Variants in CTSC observed in about 807,000 individuals in gnomAD.
CTSC encodes the protein dipeptidyl peptidase 1.
CTSC carries 37 observed loss-of-function variants against 40.9 expected under a neutral mutation model. That is an observed-to-expected ratio of 0.91 (90% CI 0.70 to 1.19). CTSC has a LOEUF of 1.19. Ranked by LOEUF, CTSC falls within the 50% of genes most tolerant of loss-of-function variation. The probability of loss-of-function intolerance (pLI) is 0.00; values close to 1 mark genes in which losing one functional copy is unlikely to be tolerated. For missense variants in CTSC, 594 were observed against 567.3 expected, an observed-to-expected ratio of 1.05 and a Z score of -0.48; for synonymous variants, 232 against 207.4, an observed-to-expected ratio of 1.12 and a Z score of -1.02.
rs779795168 is a variant in CTSC, at chr11:88,294,326, C to A, written c.1072G>T (p.Ala358Ser). ...TGGACCAACTCAAGCTTCATCAGGG[C>A]TTCATTGCAGCCTCCATAGAAACCT... ...VGGFYGGCNE[A>S]LMKLELVHHG... The change falls in exon 7 of 7, where the codon GCC becomes TCC. Residue 358 changes from alanine to serine, a missense_variant. Physicochemically the swap from Ala to Ser is moderately conservative, Grantham distance 99. Coordinates refer to ENST00000227266, the MANE Select transcript of CTSC (RefSeq NM_001814.6). 6.2e-7 allele frequency: 1 copy of A among 1,614,042 alleles called. No individual in the cohort carries two copies. Among genetic ancestry groups the A allele is most frequent in the African/African-American group, 1.3e-5 (1 of 74,928 alleles).
chr11:88,332,133 A>G (rs944213289), intron 2 of CTSC, among the ~76,000 whole-genome samples: 2 of 152,232 alleles, frequency 1.3e-5, no homozygotes, highest in Admixed American at 6.5e-5. Flanking sequence ...GGATAACAAC[A>G]ACGATGGCAG....
chr11:88,326,959 T>TCAA (rs1177392074), intron 2 of CTSC, among the ~76,000 whole-genome samples: 1 of 152,100 alleles, frequency 6.6e-6, no homozygotes, highest in African/African-American at 2.4e-5. Flanking sequence ...TGAGAACAGC[T>TCAA]TATTTTTCGT....
At chr11:88,326,367 G>T in intron 2 of CTSC, 1 of 1,613,948 alleles carries the variant, frequency 6.2e-7, no homozygotes, top group Non-Finnish European at 8.5e-7. Flanking sequence ...GTCGCAGGCT[G>T]CTCTGTCTCT....
chr11:88,300,935 C>G (rs1944353868), intron 4 of CTSC, among the ~76,000 whole-genome samples: 1 of 152,046 alleles, frequency 6.6e-6, no homozygotes, highest in Non-Finnish European at 1.5e-5. Context: ...GCCTGAATAG[C>G]TGCATTCTTA....
intron 4 of CTSC, among the ~76,000 whole-genome samples, chr11:88,301,785 T>C (rs1944364090): frequency 7.2e-6 from 1 of 138,792 alleles, no homozygotes; most frequent in Admixed American, 7.6e-5. Flanking sequence ...TACATACACA[T>C]GCACACACAC....
At chr11:88,326,526 TA>T (rs3837397) in intron 2 of CTSC, 58,222 of 652,944 alleles carry the variant, frequency 0.089, 1 homozygote, top group Middle Eastern at 0.12. Context: ...TTTCTTTAAG[TA>T]AAAAAAAAAA....
chr11:88,328,076 T>C (rs756794068), intron 2 of CTSC: 15 of 1,435,518 alleles, frequency 1.0e-5, no homozygotes, highest in Admixed American at 1.7e-5. Context: ...AGCTTGCTTT[T>C]AATAAGAAAG....
At chr11:88,295,415 G>A (rs528622579) in intron 6 of CTSC, among the ~76,000 whole-genome samples, 18 of 151,328 alleles carry the variant, frequency 1.2e-4, no homozygotes, top group Admixed American at 6.6e-5. Context: ...GCCTCACTCC[G>A]TTTGCCCAGG....
At chr11:88,311,774 G>A (rs1419607794) in intron 3 of CTSC, among the ~76,000 whole-genome samples, 2 of 152,160 alleles carry the variant, frequency 1.3e-5, no homozygotes, top group African/African-American at 2.4e-5. Flanking sequence ...GAGGACATTA[G>A]GACAATCAGA....
At chr11:88,298,222 G>A (rs1189438881) in intron 5 of CTSC, 3 of 152,102 alleles carry the variant, frequency 2.0e-5, no homozygotes, top group Non-Finnish European at 4.4e-5. Context: ...CCTAATTAAT[G>A]TGACCCAGGA....
intron 2 of CTSC, chr11:88,324,750 C>A: frequency 1.0e-6 from 1 of 985,250 alleles, no homozygotes; most frequent in Non-Finnish European, 1.2e-6. Context: ...ATGTTTCTCA[C>A]GGTAATAGAG....
At chr11:88,329,351 G>A (rs1341601864) in intron 2 of CTSC, among the ~76,000 whole-genome samples, 1 of 150,020 alleles carries the variant, frequency 6.7e-6, no homozygotes, top group Non-Finnish European at 1.5e-5. Flanking sequence ...GCGTGATGGC[G>A]GGCACCTGTA....
intron 4 of CTSC, among the ~76,000 whole-genome samples, chr11:88,305,119 C>A (rs984568712): frequency 7.3e-5 from 11 of 151,098 alleles, no homozygotes; most frequent in Non-Finnish European, 1.5e-4. Context: ...AATGCCATGA[C>A]AATGTCAGGA....
chr11:88,321,805 A>G (rs375118949), intron 2 of CTSC: 8 of 152,116 alleles, frequency 5.3e-5, no homozygotes, highest in African/African-American at 9.6e-5. Context: ...TGCAGTAATG[A>G]TATTTCTGGT....
chr11:88,313,896 C>T (rs1264069666), intron 2 of CTSC, among the ~76,000 whole-genome samples: 1 of 152,180 alleles, frequency 6.6e-6, no homozygotes, highest in East Asian at 1.9e-4. Flanking sequence ...GCAAAGACCA[C>T]TAGGCTTTGC....
intron 4 of CTSC, among the ~76,000 whole-genome samples, chr11:88,306,043 G>A (rs1022944082): frequency 6.6e-6 from 1 of 152,134 alleles, no homozygotes; most frequent in East Asian, 1.9e-4. Flanking sequence ...ACTTCACTTT[G>A]GTGAATTTGA....
At chr11:88,324,418 AG>A in intron 2 of CTSC, 1 of 982,086 alleles carries the variant, frequency 1.0e-6, no homozygotes, top group Non-Finnish European at 1.2e-6. Flanking sequence ...CTCTGCAGGA[AG>A]GTAACCTGAT....
chr11:88,293,627 A>G lies in CTSC; in HGVS notation c.*379T>C, dbSNP rs1335456696. On this transcript the variant is annotated 3_prime_UTR_variant, in exon 7 of 7. Transcript: ENST00000227266. The stretch of plus-strand genomic sequence containing the variant: ...TTTAAAACTTTATTTTAAAAATATG[A>G]GCATCTATTTTAAAAGTTTTGATAA... 6 of 223,516 alleles carry G rather than the reference A, an allele frequency of 2.7e-5. No homozygotes were observed. Among genetic ancestry groups the G allele is most frequent in the Non-Finnish European group, 9.0e-6 (1 of 111,382 alleles). The allele number at this position is 223,516 out of a possible 1,614,324, so 13.8% of individuals were successfully genotyped here.
chr11:88,324,713 C>A, intron 2 of CTSC: 2 of 985,202 alleles, frequency 2.0e-6, no homozygotes, highest in Middle Eastern at 5.2e-4. Context: ...GAGGTACCTG[C>A]GATATGCAAT....
Sources: allele counts gnomAD v4.1 joint callset (sites outside exome capture counted in the v4.1 genomes callset), GRCh38; gene constraint gnomAD v4.1.1; transcripts MANE v1.5; gene names NCBI Gene and HGNC (gene_info 2026-07-23, HGNC 2026-07-21).